GBE1: variants seen among roughly 807,000 people sequenced by gnomAD.
GBE1 encodes 1,4-alpha-glucan branching enzyme 1, also known as 1,4-alpha-glucan-branching enzyme.
A neutral mutation model predicts 88.8 loss-of-function variants in GBE1; 70 were observed. That is an observed-to-expected ratio of 0.79 (90% CI 0.65 to 0.96). The LOEUF (loss-of-function observed/expected upper bound fraction) is 0.96, where lower values mean the gene tolerates loss of function less well. GBE1 is among the 40% of genes least tolerant of loss of function. The pLI, the probability that GBE1 is intolerant of heterozygous loss-of-function variation, is 0.00. For synonymous variants in GBE1, 284 were observed against 300.1 expected (o/e 0.95, Z 0.56); for missense variants, 872 against 871.0 (o/e 1.00, Z -0.01).
At chr3:81,598,723 TA>T (rs768253102) in intron 7 of GBE1, among the ~76,000 whole-genome samples, 4 of 151,934 alleles carry the variant, frequency 2.6e-5, no homozygotes, top group Admixed American at 1.3e-4. Flanking sequence ...GAGAATTATA[TA>T]GAGGCTATTG....
chr3:81,680,258 C>T (rs192715017), intron 2 of GBE1, among the ~76,000 whole-genome samples: 3 of 152,254 alleles, frequency 2.0e-5, no homozygotes, highest in Non-Finnish European at 4.4e-5. Context: ...CTTTGGGAGG[C>T]CGAGGCGGGT....
intron 7 of GBE1, among the ~76,000 whole-genome samples, chr3:81,607,016 G>T (rs916536944): frequency 1.3e-5 from 2 of 152,144 alleles, no homozygotes; most frequent in African/African-American, 4.8e-5. Flanking sequence ...GTAAACTGAA[G>T]AAATGAATGA....
intron 10 of GBE1, 33 bp from the exon 11 acceptor site, chr3:81,581,308 T>A: frequency 8.6e-7 from 1 of 1,159,490 alleles, no homozygotes; most frequent in Non-Finnish European, 1.2e-6. Context: ...AGCTTCTGAG[T>A]AAAGCATTAT....
chr3:81,668,688 A>T (rs1450732144), intron 3 of GBE1, among the ~76,000 whole-genome samples: 1 of 152,194 alleles, frequency 6.6e-6, no homozygotes, highest in Non-Finnish European at 1.5e-5. Flanking sequence ...AATCATACAG[A>T]GCCCTCTTTG....
intron 12 of GBE1, among the ~76,000 whole-genome samples, chr3:81,563,550 T>C (rs2106913150): frequency 6.6e-6 from 1 of 152,168 alleles, no homozygotes; most frequent in East Asian, 1.9e-4. Flanking sequence ...TAATGCCCAT[T>C]GTATATTAAT....
chr3:81,669,756 T>C (rs1171913764), intron 3 of GBE1, among the ~76,000 whole-genome samples: 1 of 152,178 alleles, frequency 6.6e-6, no homozygotes, highest in Non-Finnish European at 1.5e-5. Context: ...TCTTTTTCAC[T>C]ATAGATTAAA....
At chr3:81,703,114 A>T (rs753134552) in intron 2 of GBE1, among the ~76,000 whole-genome samples, 3 of 152,042 alleles carry the variant, frequency 2.0e-5, no homozygotes, top group African/African-American at 7.2e-5. Flanking sequence ...CTCTGCATGG[A>T]ATTTTAAAAA....
chr3:81,696,100 C>T (rs1360248317), intron 2 of GBE1, among the ~76,000 whole-genome samples: 3 of 151,756 alleles, frequency 2.0e-5, no homozygotes, highest in Non-Finnish European at 4.4e-5. Context: ...GGAAATAGTT[C>T]AACAGGGGTT....
At chr3:81,727,857 G>A (rs372976335) in intron 1 of GBE1, among the ~76,000 whole-genome samples, 1 of 152,160 alleles carries the variant, frequency 6.6e-6, no homozygotes, top group African/African-American at 2.4e-5. Flanking sequence ...CTGTCCTGAT[G>A]GCCTCCAAAG....
Position 81,670,913 on chromosome 3 carries a change from A to C in GBE1, c.354T>G (p.Asp118Glu). 1 of 1,574,652 alleles carries C rather than the reference A, an allele frequency of 6.4e-7. No individual in the cohort carries two copies. Among genetic ancestry groups the C allele is most frequent in the East Asian group, 2.3e-5 (1 of 42,668 alleles). ...GGATATACAGCTCCCATTTTCCATA[A>C]TCCAGTTTTTTGTATGGGTACGAAA... ...NPFSYPYKKLDYGKWELYIPP... is the reference protein window; with the variant it reads ...NPFSYPYKKLEYGKWELYIPP... The change falls in exon 3 of 16, where the codon GAT becomes GAG. Residue 118 changes from aspartate to glutamate, a missense_variant. Asp to Glu is a conservative substitution (Grantham distance 45, BLOSUM62 2). Coordinates refer to ENST00000429644, the MANE Select transcript of GBE1 (RefSeq NM_000158.4).
intron 3 of GBE1, among the ~76,000 whole-genome samples, chr3:81,658,280 A>T (rs1704971144): frequency 6.6e-6 from 1 of 152,148 alleles, no homozygotes; most frequent in South Asian, 2.1e-4. Context: ...TAAATCTGTA[A>T]TGTGATACAA....
intron 2 of GBE1, among the ~76,000 whole-genome samples, chr3:81,673,442 G>A (rs778184899): frequency 6.6e-6 from 1 of 151,796 alleles, no homozygotes; most frequent in Non-Finnish European, 1.5e-5. Context: ...CAATATAAAT[G>A]AGAAAATGTA....
At chr3:81,567,344 C>G (rs1703507736) in intron 12 of GBE1, among the ~76,000 whole-genome samples, 1 of 152,160 alleles carries the variant, frequency 6.6e-6, no homozygotes, top group Admixed American at 6.5e-5. Context: ...CCTCTGGGAT[C>G]CTGGACTTTC....
chr3:81,728,406 G>C (rs1444465683), intron 1 of GBE1, among the ~76,000 whole-genome samples: 7 of 152,094 alleles, frequency 4.6e-5, no homozygotes, highest in African/African-American at 1.7e-4. Context: ...TAGTTACTCT[G>C]ACCACAGATC....
chr3:81,621,469 G>T (rs918341787), intron 7 of GBE1, among the ~76,000 whole-genome samples: 1 of 152,044 alleles, frequency 6.6e-6, no homozygotes, highest in African/African-American at 2.4e-5. Context: ...AAGAGCCCTC[G>T]TTGTGACTTA....
At chr3:81,629,863 C>T (rs377511108) in intron 7 of GBE1, among the ~76,000 whole-genome samples, 4 of 149,336 alleles carry the variant, frequency 2.7e-5, no homozygotes, top group Admixed American at 6.7e-5. Context: ...CTATCCCTCC[C>T]GCCTCCCCCC....
intron 14 of GBE1, among the ~76,000 whole-genome samples, chr3:81,528,506 GCA>G (rs895724627): frequency 1.5e-4 from 23 of 152,052 alleles, no homozygotes; most frequent in African/African-American, 5.1e-4. Context: ...TTGGTCTATA[GCA>G]CAGATTACAT....
intron 2 of GBE1, among the ~76,000 whole-genome samples, chr3:81,702,111 G>A (rs1285882367): frequency 5.2e-5 from 1 of 19,114 alleles, no homozygotes; most frequent in Non-Finnish European, 8.8e-5. Flanking sequence ...GAGTGTGTGT[G>A]TGTGTGTGTG....
intron 2 of GBE1, among the ~76,000 whole-genome samples, chr3:81,697,006 T>A (rs1705605392): frequency 6.6e-6 from 1 of 152,068 alleles, no homozygotes; most frequent in Admixed American, 6.6e-5. Context: ...CTGGGTGTCC[T>A]CCAATTCAAT....
Sources: gnomAD v4.1 joint callset for allele counts (sites outside exome capture counted in the v4.1 genomes callset) on GRCh38, gnomAD v4.1.1 for gene constraint, MANE v1.5 for transcripts, NCBI Gene and HGNC (gene_info 2026-07-23, HGNC 2026-07-21) for gene names.